Variants in ARHGEF37 observed in about 807,000 individuals in gnomAD.
ARHGEF37 encodes Rho guanine nucleotide exchange factor (GEF) 37.
A neutral mutation model predicts 71.1 loss-of-function variants in ARHGEF37; 55 were observed. The ratio of observed to expected loss-of-function variants is 0.77; its 90% CI spans 0.62 to 0.97. The LOEUF (loss-of-function observed/expected upper bound fraction) is 0.97. ARHGEF37 is among the 50% of genes least tolerant of loss of function. ARHGEF37 has a pLI of 0.00. For synonymous variants in ARHGEF37, 327 were observed against 350.6 expected, an observed-to-expected ratio of 0.93 and a Z score of 0.75; for missense variants, 765 against 836.8, an observed-to-expected ratio of 0.91 and a Z score of 1.06.
chr5:149,621,766 C>G lies in ARHGEF37; in HGVS notation c.1039C>G (p.Leu347Val), dbSNP rs773587777. The change falls in exon 9 of 13, where the codon CTG becomes GTG. Residue 347 changes from leucine (L) to valine (V), a missense_variant. Leu to Val is a conservative substitution (Grantham distance 32). Transcript: ENST00000333677. ...QRLEGLVWQP[L>V]CSLAKALLGP... ...GCTAGAAGGCCTGGTGTGGCAGCCA[C>G]TGTGCAGCCTGGCCAAAGCCCTGCT... 6.2e-7 allele frequency: 1 copy of G among 1,613,964 alleles called. No homozygotes were observed. Among genetic ancestry groups the G allele is most frequent in the South Asian group, 1.1e-5 (1 of 91,066 alleles).
intron 1 of ARHGEF37, among the ~76,000 whole-genome samples, chr5:149,573,087 C>T (rs574500338): frequency 1.3e-4 from 20 of 152,252 alleles, no homozygotes; most frequent in Non-Finnish European, 2.9e-4. Flanking sequence ...GGCATCCTGG[C>T]TTTATAACAA....
Position 149,618,244 on chromosome 5 carries a change from C to CT in ARHGEF37, c.728dup (p.Ser244LeufsTer27). 1 of 1,614,248 alleles carries CT rather than the reference C, an allele frequency of 6.2e-7. No homozygotes were observed. Among genetic ancestry groups the CT allele is most frequent in the Non-Finnish European group, 8.5e-7 (1 of 1,180,038 alleles). ...GCTGGCCCGCATCAACACACACACC[C>CT]TCTCCAAGAAGACCACCCGGCTGAG... On this transcript the variant is annotated frameshift_variant, in exon 6 of 13. Transcript: ENST00000333677. LOFTEE classifies it high-confidence loss of function.
At chr5:149,579,573 G>A (rs1763066486), upstream of ARHGEF37, among the ~76,000 whole-genome samples, 1 of 151,488 alleles carries the variant, frequency 6.6e-6, no homozygotes, top group Admixed American at 6.6e-5. Context: ...GGCAACTGAT[G>A]TTATTATTAT....
intron 4 of ARHGEF37, among the ~76,000 whole-genome samples, chr5:149,610,458 A>T (rs887912430): frequency 5.3e-5 from 8 of 152,224 alleles, no homozygotes; most frequent in Non-Finnish European, 1.2e-4. Flanking sequence ...TTATAAGATT[A>T]AAAAACTTTA....
At chr5:149,556,424 G>C (rs1035706920) in intron 1 of ARHGEF37, among the ~76,000 whole-genome samples, 1 of 150,022 alleles carries the variant, frequency 6.7e-6, no homozygotes, top group African/African-American at 2.5e-5. Context: ...TCTCGCTCTT[G>C]TTGTCCAACC....
At chr5:149,557,060 A>G (rs1357389929) in intron 1 of ARHGEF37, among the ~76,000 whole-genome samples, 4 of 152,318 alleles carry the variant, frequency 2.6e-5, no homozygotes, top group Admixed American at 2.6e-4. Flanking sequence ...CATCTATGAC[A>G]GTGTTTTGCG....
At chr5:149,617,623 T>C (rs1248178137) in intron 5 of ARHGEF37, among the ~76,000 whole-genome samples, 1 of 152,214 alleles carries the variant, frequency 6.6e-6, no homozygotes, top group African/African-American at 2.4e-5. Context: ...CATCACTTGC[T>C]TCCTGTCGCA....
upstream of ARHGEF37, chr5:149,551,645 C>G (rs1287420742): frequency 1.3e-5 from 2 of 152,538 alleles, no homozygotes; most frequent in Non-Finnish European, 2.9e-5. Context: ...GGCGGCGGCT[C>G]AGCAGGTGTT....
chr5:149,576,974 T>C (rs1277482869), upstream of ARHGEF37, among the ~76,000 whole-genome samples: 3 of 151,998 alleles, frequency 2.0e-5, no homozygotes, highest in South Asian at 2.1e-4. Context: ...AAAATTGATA[T>C]CTCAGGAGAC....
At position 149,574,842 on chromosome 5, in the gene ARHGEF37, C is replaced by T. The variant is rs958097059; in HGVS notation, c.-12+22719C>T. ...ATACTCCATCAAAGTTTTACTCTTA[C>T]TTTCTCCTCTTCTACCTCACTATCA... On this transcript the variant is annotated intron_variant, in intron 1 of 2. Coordinates refer to the ARHGEF37 transcript ENST00000505810. Among the ~76,000 whole-genome samples, 5 of 152,158 alleles carry T rather than the reference C, an allele frequency of 3.3e-5. No homozygotes were observed. The South Asian group carries it at 6.2e-4, about 19-fold the overall frequency.
At chr5:149,559,543 A>C (rs930027658) in intron 1 of ARHGEF37, among the ~76,000 whole-genome samples, 2 of 152,216 alleles carry the variant, frequency 1.3e-5, no homozygotes, top group Non-Finnish European at 2.9e-5. Context: ...AATATAAACA[A>C]ACTATGCTGT....
chr5:149,573,424 C>T (rs1407308950), intron 1 of ARHGEF37, among the ~76,000 whole-genome samples: 1 of 152,128 alleles, frequency 6.6e-6, no homozygotes, highest in Non-Finnish European at 1.5e-5. Context: ...AACTCTAATA[C>T]ATTTCCTTAC....
intron 1 of ARHGEF37, among the ~76,000 whole-genome samples, chr5:149,557,257 T>C (rs1054990236): frequency 2.0e-5 from 3 of 152,206 alleles, no homozygotes; most frequent in Admixed American, 6.5e-5. Flanking sequence ...CCAGGACTTA[T>C]ATACCACAGG....
chr5:149,600,537 GA>G (rs1763720402), intron 2 of ARHGEF37, among the ~76,000 whole-genome samples: 1 of 152,204 alleles, frequency 6.6e-6, no homozygotes, highest in Non-Finnish European at 1.5e-5. Flanking sequence ...GGGAAACTGA[GA>G]GAAGCTAGCT....
In ARHGEF37 at chr5:149,609,667, C is replaced by T; in HGVS notation, c.430C>T (p.His144Tyr). The change falls in exon 4 of 13, where the codon CAC becomes TAC. Residue 144 changes from histidine to tyrosine, a missense_variant. His to Tyr is a moderately conservative substitution (Grantham distance 83). Transcript: ENST00000333677. ...TYRKEPELQR[H>Y]IQGIVEAVVP... The stretch of plus-strand genomic sequence containing the variant: ...CCGGAAGGAGCCGGAGCTGCAGCGG[C>T]ACATCCAGGGCATCGTTGAGGCGGT... 1.2e-6 allele frequency: 2 copies of T among 1,612,536 alleles called. No individual in the cohort carries two copies. The highest frequency in any genetic ancestry group is 1.7e-6 in the Non-Finnish European group (2 of 1,180,026).
At chr5:149,583,678 T>A (rs1763163125) in intron 1 of ARHGEF37, among the ~76,000 whole-genome samples, 1 of 152,260 alleles carries the variant, frequency 6.6e-6, no homozygotes, top group African/African-American at 2.4e-5. Context: ...TGTTTTCATG[T>A]GCTGTAACAG....
At chr5:149,560,373 C>G (rs1051119087) in intron 1 of ARHGEF37, among the ~76,000 whole-genome samples, 2 of 152,206 alleles carry the variant, frequency 1.3e-5, no homozygotes, top group African/African-American at 4.8e-5. Flanking sequence ...CTCTGCCTCT[C>G]AAAGTGCTGG....
chr5:149,601,408 G>T (rs1431356204), intron 3 of ARHGEF37, among the ~76,000 whole-genome samples, 177 bp downstream of exon 3: 1 of 152,170 alleles, frequency 6.6e-6, no homozygotes, highest in Non-Finnish European at 1.5e-5. Context: ...ATAACAACTA[G>T]TCCAGTCCCA....
rs1244353582 is a variant in ARHGEF37 at position 149,598,771 on chromosome 5, GATATAGAT to G, written c.186+828_186+835del. 1.0e-2 allele frequency among the ~76,000 whole-genome samples: 782 copies of G among 78,572 alleles called. 7 individuals are homozygous for G. The highest frequency in any genetic ancestry group is 0.026 in the East Asian group (57 of 2,228). The allele number at this position is 78,572 out of a possible 152,430, so 51.5% of individuals were successfully genotyped here. ...ATATCTATATATAGATATAGATATA[GATATAGAT>G]ATATAGATATAGATATATAGATATA... On this transcript the variant is annotated intron_variant, in intron 2 of 12. Transcript: ENST00000333677.
Sources: allele counts gnomAD v4.1 joint callset (sites outside exome capture counted in the v4.1 genomes callset), GRCh38; gene constraint gnomAD v4.1.1; transcripts MANE v1.5; gene names NCBI Gene and HGNC (gene_info 2026-07-23, HGNC 2026-07-21).